The following CPLX1 variants were observed in gnomAD, a reference collection of about 807,000 sequenced individuals.
The protein encoded by CPLX1 is complexin 1.
In CPLX1, 6 loss-of-function variants were observed where a neutral mutation model predicts 15.6. The observed-to-expected ratio is 0.39, with a 90% CI of 0.21 to 0.76. The LOEUF (loss-of-function observed/expected upper bound fraction) is 0.76, where lower values mean the gene tolerates loss of function less well. CPLX1 is among the 30% of genes least tolerant of loss of function. The pLI, the probability that CPLX1 is intolerant of heterozygous loss-of-function variation, is 0.43. For synonymous variants in CPLX1, 91 were observed against 75.2 expected, an observed-to-expected ratio of 1.21 and a Z score of -1.08; for missense variants, 242 against 188.6, an observed-to-expected ratio of 1.28 and a Z score of -1.66.
chr4:795,108 G>A (rs532238593), intron 2 of CPLX1, among the ~76,000 whole-genome samples: 125 of 152,358 alleles, frequency 8.2e-4, no homozygotes, highest in African/African-American at 2.8e-3. Flanking sequence ...CCTGGGGAGC[G>A]TCACAGATGC....
chr4:819,455 C>T (rs180854448), intron 2 of CPLX1, among the ~76,000 whole-genome samples: 13 of 152,346 alleles, frequency 8.5e-5, no homozygotes, highest in African/African-American at 3.1e-4. Flanking sequence ...AGTGCTTTCT[C>T]GACCACACGG....
chr4:792,924 C>T (rs1226500234), intron 2 of CPLX1, among the ~76,000 whole-genome samples: 4 of 152,138 alleles, frequency 2.6e-5, no homozygotes, highest in Non-Finnish European at 5.9e-5. Context: ...TGACTGCGTG[C>T]TTATGCGTAC....
At chr4:821,308 G>A (rs1481658237) in intron 2 of CPLX1, among the ~76,000 whole-genome samples, 5 of 152,144 alleles carry the variant, frequency 3.3e-5, no homozygotes, top group Non-Finnish European at 7.4e-5. Flanking sequence ...CTTGGGCTCT[G>A]TCGCTGGGGC....
intron 2 of CPLX1, among the ~76,000 whole-genome samples, chr4:800,296 G>C (rs541599272): frequency 1.1e-4 from 16 of 152,186 alleles, no homozygotes; most frequent in African/African-American, 3.6e-4. Context: ...AAAATGAAAA[G>C]GTACACCACA....
At chr4:790,065 C>G (rs114135275) in intron 3 of CPLX1, among the ~76,000 whole-genome samples, 3 of 73,598 alleles carry the variant, frequency 4.1e-5, no homozygotes, top group African/African-American at 9.2e-5. Flanking sequence ...CTGAGGGCAG[C>G]GTTCCCCCAC....
intron 2 of CPLX1, among the ~76,000 whole-genome samples, chr4:812,956 C>A (rs903189203): frequency 5.3e-5 from 8 of 152,056 alleles, no homozygotes; most frequent in Non-Finnish European, 1.2e-4. Flanking sequence ...TCCACAACCC[C>A]ACTAAGATGG....
intron 2 of CPLX1, among the ~76,000 whole-genome samples, chr4:813,173 G>A (rs1322072249): frequency 1.3e-5 from 2 of 151,580 alleles, no homozygotes; most frequent in South Asian, 2.1e-4. Context: ...GGTGAGGCAG[G>A]AGAATTGCTT....
At chr4:808,099 C>T (rs1397583958) in intron 2 of CPLX1, among the ~76,000 whole-genome samples, 1 of 151,994 alleles carries the variant, frequency 6.6e-6, no homozygotes, top group Non-Finnish European at 1.5e-5. Context: ...AACCCTGTCT[C>T]CACAAAAAAA....
At chr4:792,144 C>T (rs1057112101) in intron 3 of CPLX1, among the ~76,000 whole-genome samples, 6 of 152,206 alleles carry the variant, frequency 3.9e-5, no homozygotes, top group Non-Finnish European at 8.8e-5. Flanking sequence ...GGCCCAGGGC[C>T]CCAGGCAGCC....
In CPLX1 at chr4:789,750, G is replaced by A. The variant is rs1746111373; in HGVS notation, c.207+2683C>T. ...TCCTCTGGGAACTGCCTAGGGGGCTGGACACTCCAAAAGGACCCAGTCCCC... is the reference window on the plus strand; with the variant it reads ...TCCTCTGGGAACTGCCTAGGGGGCTAGACACTCCAAAAGGACCCAGTCCCC... On this transcript the variant is annotated intron_variant, in intron 3 of 3. Coordinates refer to ENST00000304062, the MANE Select transcript of CPLX1 (RefSeq NM_006651.4). Among the ~76,000 whole-genome samples, 4 of 152,196 alleles carry A rather than the reference G, an allele frequency of 2.6e-5. No individual in the cohort carries two copies. In the South Asian group the frequency reaches 8.3e-4, roughly 31 times the overall value.
At position 786,561 on chromosome 4, in the gene CPLX1, G is replaced by A. The variant is rs1745996602; in HGVS notation, c.345C>T (p.Ser115=). 2 of 1,609,506 alleles carry A rather than the reference G, an allele frequency of 1.2e-6. No individual in the cohort carries two copies. The highest frequency in any genetic ancestry group is 1.7e-6 in the Non-Finnish European group (2 of 1,178,104). ...CGDEVEEEDE[S]ILDTVIKYLP... Reference sequence around the variant, plus strand: ...GGTACTTGATGACGGTGTCCAGGATGCTCTCGTCCTCCTCCTCCACCTCGT... The same window carrying A: ...GGTACTTGATGACGGTGTCCAGGATACTCTCGTCCTCCTCCTCCACCTCGT... The change falls in exon 4 of 4, where the codon AGC becomes AGT. Residue 115 remains serine, a synonymous_variant. Coordinates refer to ENST00000304062, the MANE Select transcript of CPLX1 (RefSeq NM_006651.4).
intron 3 of CPLX1, among the ~76,000 whole-genome samples, chr4:790,242 C>CGGAGGGG (rs1458227972): frequency 6.6e-6 from 1 of 152,206 alleles, no homozygotes; most frequent in East Asian, 1.9e-4. Context: ...CAGTGGGCTG[C>CGGAGGGG]GGAGGGGGCT....
chr4:786,307 G>T lies in CPLX1; in HGVS notation c.*194C>A. 1 of 462,178 alleles carries T rather than the reference G, an allele frequency of 2.2e-6. No homozygotes were observed. The highest frequency in any genetic ancestry group is 3.7e-6 in the Non-Finnish European group (1 of 268,248). The allele number at this position is 462,178 out of a possible 1,614,324, so 28.6% of individuals were successfully genotyped here. A position where few individuals can be genotyped will look rare whatever the true frequency, so the allele number is the denominator to read the frequency against. On this transcript the variant is annotated 3_prime_UTR_variant, in exon 4 of 4. Transcript: ENST00000304062. ...CAGCCACCCGCGGGCAGAGGAGCAC[G>T]GGGCGGACTGGGGGGGTCCTGGGGG...
chr4:790,158 C>T (rs1209377816), intron 3 of CPLX1, among the ~76,000 whole-genome samples: 3 of 152,174 alleles, frequency 2.0e-5, no homozygotes, highest in Non-Finnish European at 4.4e-5. Flanking sequence ...AAGGTGTGGA[C>T]GTGGGGTCCG....
intron 2 of CPLX1, among the ~76,000 whole-genome samples, chr4:800,918 G>A (rs1560241370): frequency 2.6e-5 from 4 of 151,786 alleles, no homozygotes; most frequent in South Asian, 2.1e-4. Context: ...TTGAGAGGCT[G>A]AGGCAGGAGA....
intron 2 of CPLX1, among the ~76,000 whole-genome samples, chr4:811,288 G>A (rs1163088023): frequency 6.6e-6 from 1 of 152,122 alleles, no homozygotes; most frequent in Non-Finnish European, 1.5e-5. Flanking sequence ...TGCTACAGGT[G>A]CATACCACTG....
intron 2 of CPLX1, among the ~76,000 whole-genome samples, chr4:822,690 G>A (rs1219370127): frequency 2.6e-5 from 4 of 152,146 alleles, no homozygotes; most frequent in Admixed American, 6.5e-5. Context: ...GCCAAGCTCT[G>A]TCGTGCTGTC....
intron 2 of CPLX1, among the ~76,000 whole-genome samples, chr4:801,027 A>G (rs1338735068): frequency 6.7e-6 from 1 of 148,898 alleles, no homozygotes; most frequent in Non-Finnish European, 1.5e-5. Flanking sequence ...AAAAAAACAA[A>G]AGGTTGGCCG....
At chr4:817,570 A>T (rs1016571404) in intron 2 of CPLX1, among the ~76,000 whole-genome samples, 8 of 152,094 alleles carry the variant, frequency 5.3e-5, no homozygotes, top group Admixed American at 2.0e-4. Context: ...AAGAAAAAAA[A>T]AATCAGTCCA....
Sources: allele counts gnomAD v4.1 joint callset (sites outside exome capture counted in the v4.1 genomes callset), GRCh38; gene constraint gnomAD v4.1.1; transcripts MANE v1.5; gene names NCBI Gene and HGNC (gene_info 2026-07-23, HGNC 2026-07-21).